PTPRZ1: variants seen among roughly 807,000 people sequenced by gnomAD.
PTPRZ1 encodes the protein protein tyrosine phosphatase receptor type Z1.
Under a neutral mutation model 214.1 loss-of-function variants are expected in PTPRZ1, and 82 were observed. That is an observed-to-expected ratio of 0.38 (90% CI 0.32 to 0.46). PTPRZ1 has a LOEUF of 0.46. Among genes scored for constraint, PTPRZ1 ranks in the 20% least tolerant of loss-of-function variants. PTPRZ1 has a pLI of 1.00. For synonymous variants in PTPRZ1, 945 were observed against 987.9 expected (o/e 0.96, Z 0.81); for missense variants, 2,603 against 2,748.7 (o/e 0.95, Z 1.19).
At chr7:121,945,659 TCA>T (rs890727448) in intron 2 of PTPRZ1, among the ~76,000 whole-genome samples, 6 of 152,286 alleles carry the variant, frequency 3.9e-5, no homozygotes, top group African/African-American at 1.4e-4. Context: ...ATCCCAGTTC[TCA>T]CAGATATTTG....
chr7:121,899,170 T>C (rs1794888665), intron 1 of PTPRZ1, among the ~76,000 whole-genome samples: 2 of 152,150 alleles, frequency 1.3e-5, no homozygotes, highest in South Asian at 4.1e-4. Flanking sequence ...ACTAGTTGTT[T>C]TAAATGAAAC....
chr7:121,968,154 C>A, intron 3 of PTPRZ1, 24 bp downstream of exon 3: 1 of 1,564,106 alleles, frequency 6.4e-7, no homozygotes, highest in Non-Finnish European at 8.7e-7. Flanking sequence ...ATTCTGTTTG[C>A]CTTTAATATA....
At chr7:121,943,507 T>A (rs1427117373) in intron 2 of PTPRZ1, among the ~76,000 whole-genome samples, 3 of 152,152 alleles carry the variant, frequency 2.0e-5, no homozygotes, top group African/African-American at 7.2e-5. Context: ...GGCTAATTTT[T>A]TTTTGTATTT....
intron 1 of PTPRZ1, among the ~76,000 whole-genome samples, chr7:121,900,012 C>T (rs1456357953): frequency 6.6e-6 from 1 of 152,164 alleles, no homozygotes; most frequent in African/African-American, 2.4e-5. Flanking sequence ...TCAATAGATA[C>T]TCTCATGGCT....
At chr7:121,912,489 A>G (rs1795307731) in intron 1 of PTPRZ1, among the ~76,000 whole-genome samples, 1 of 152,248 alleles carries the variant, frequency 6.6e-6, no homozygotes, top group Non-Finnish European at 1.5e-5. Context: ...GAAGAGAGAC[A>G]TACAGGTGTA....
At chr7:121,994,892 G>T (rs1042449164) in intron 8 of PTPRZ1, among the ~76,000 whole-genome samples, 15 of 151,960 alleles carry the variant, frequency 9.9e-5, no homozygotes, top group African/African-American at 3.6e-4. Context: ...CCCAACCTAA[G>T]CCCTCCCTAA....
At chr7:122,052,090 A>G in intron 25 of PTPRZ1, 151 bp downstream of exon 25, 1 of 598,272 alleles carries the variant, frequency 1.7e-6, no homozygotes, top group Non-Finnish European at 2.9e-6. Context: ...GTCCACAGCA[A>G]CAGTTGTAAT....
chr7:121,873,313 C>CT lies in PTPRZ1; in HGVS notation c.-186dup. 1.8e-6 allele frequency: 1 copy of CT among 542,298 alleles called. No homozygotes were observed. The highest frequency in any genetic ancestry group is 3.2e-6 in the Non-Finnish European group (1 of 313,846). The allele number at this position is 542,298 out of a possible 1,614,324, so 33.6% of individuals were successfully genotyped here. On this transcript the variant is annotated 5_prime_UTR_variant, in exon 1 of 30. Transcript: ENST00000393386. Reference sequence around the variant, plus strand: ...TGACTGTCTCTCTCTGTCTCTGTCTCTGTCTCTCTCTCTCTCACACACACA... The same window carrying CT: ...TGACTGTCTCTCTCTGTCTCTGTCTCTTGTCTCTCTCTCTCTCACACACACA...
chr7:121,973,676 G>A lies in PTPRZ1; in HGVS notation c.456+984G>A, dbSNP rs1410891974. ...GAGCCAGGCGCGGTGGCTCATGCCT[G>A]TAATCCCAGCACTTCGGGAGGCCGA... On this transcript the variant is annotated intron_variant, in intron 4 of 29. Transcript: ENST00000393386. Among the ~76,000 whole-genome samples, 5 of 152,312 alleles carry A rather than the reference G, an allele frequency of 3.3e-5. No homozygotes were observed. In the East Asian group the frequency reaches 5.8e-4, roughly 18 times the overall value.
Position 122,051,910 on chromosome 7 carries a change from A to G in PTPRZ1, c.6223A>G (p.Thr2075Ala). 3.1e-6 allele frequency: 5 copies of G among 1,612,178 alleles called. No individual in the cohort carries two copies. The highest frequency in any genetic ancestry group is 4.2e-6 in the Non-Finnish European group (5 of 1,179,520). ...VGISSLSGEG[T>A]DYINASYIMG... The stretch of plus-strand genomic sequence containing the variant: ...CATTTCATCCCTGAGTGGAGAAGGC[A>G]CAGACTACATCAATGCCTCCTATAT... Residue 2075 changes from threonine to alanine, a missense_variant, in exon 25 of 30, where the codon ACA (threonine) becomes GCA (alanine). Coordinates refer to ENST00000393386, the MANE Select transcript of PTPRZ1 (RefSeq NM_002851.3).
At chr7:121,897,690 T>C (rs1331881232) in intron 1 of PTPRZ1, among the ~76,000 whole-genome samples, 10 of 152,196 alleles carry the variant, frequency 6.6e-5, no homozygotes, top group Admixed American at 5.9e-4. Flanking sequence ...CCTGCCAATC[T>C]CACAGCATTA....
At chr7:121,880,150 T>G (rs1047182716) in intron 1 of PTPRZ1, among the ~76,000 whole-genome samples, 1 of 152,204 alleles carries the variant, frequency 6.6e-6, no homozygotes, top group South Asian at 2.1e-4. Context: ...ATTGTCTTTG[T>G]TTTCCCCTTC....
chr7:121,984,159 AGT>A (rs755182035), intron 8 of PTPRZ1, 42 bp downstream of exon 8: 1 of 1,571,678 alleles, frequency 6.4e-7, no homozygotes, highest in East Asian at 2.2e-5. Flanking sequence ...TCATAGATGC[AGT>A]GTTATAGGAG....
intron 10 of PTPRZ1, among the ~76,000 whole-genome samples, chr7:122,000,431 C>G (rs1798281896): frequency 6.6e-6 from 1 of 151,222 alleles, no homozygotes; most frequent in Admixed American, 6.6e-5. Context: ...ATGTAAGTGG[C>G]TTTTGAGTTT....
chr7:122,058,992 A>G (rs767719588), intron 28 of PTPRZ1, 50 bp downstream of exon 28: 6 of 1,491,740 alleles, frequency 4.0e-6, no homozygotes, highest in South Asian at 2.5e-5. Context: ...TTCTGGGCAT[A>G]TGTATATTTC....
chr7:121,929,018 A>G (rs915707730), intron 2 of PTPRZ1, among the ~76,000 whole-genome samples: 5 of 152,180 alleles, frequency 3.3e-5, no homozygotes, highest in African/African-American at 1.2e-4. Context: ...AGCCTGGCCA[A>G]TTTTACTTAA....
At chr7:121,937,395 G>A (rs748271809) in intron 2 of PTPRZ1, among the ~76,000 whole-genome samples, 3 of 152,130 alleles carry the variant, frequency 2.0e-5, no homozygotes, top group Non-Finnish European at 4.4e-5. Context: ...CTGGCACCAG[G>A]AGGAGCAGGT....
intron 2 of PTPRZ1, among the ~76,000 whole-genome samples, chr7:121,953,534 T>C (rs1380865665): frequency 1.3e-5 from 2 of 152,238 alleles, no homozygotes; most frequent in Non-Finnish European, 2.9e-5. Context: ...GCCTTTATTA[T>C]CACTTTGCAA....
chr7:121,881,080 GA>G (rs1261271457), intron 1 of PTPRZ1, among the ~76,000 whole-genome samples: 4 of 152,162 alleles, frequency 2.6e-5, no homozygotes, highest in Non-Finnish European at 5.9e-5. Flanking sequence ...CGTATTTGGG[GA>G]CAGGGCCTTT....
Sources: allele counts gnomAD v4.1 joint callset (sites outside exome capture counted in the v4.1 genomes callset), GRCh38; gene constraint gnomAD v4.1.1; transcripts MANE v1.5; gene names NCBI Gene and HGNC (gene_info 2026-07-23, HGNC 2026-07-21).